Variants in GRAMD4 observed in about 807,000 individuals in gnomAD.
GRAMD4 encodes the protein GRAM domain-containing protein 4.
In GRAMD4, 25 loss-of-function variants were observed where a neutral mutation model predicts 83.9. The ratio of observed to expected loss-of-function variants is 0.30; its 90% CI spans 0.22 to 0.42. GRAMD4 has a LOEUF of 0.42. Ranked by LOEUF, GRAMD4 falls within the 10% of genes least tolerant of loss-of-function variation. The pLI is 1.00. For missense variants in GRAMD4, 593 were observed against 788.7 expected, an observed-to-expected ratio of 0.75 and a Z score of 2.97; for synonymous variants, 336 against 320.9, an observed-to-expected ratio of 1.05 and a Z score of -0.50.
intron 5 of GRAMD4, among the ~76,000 whole-genome samples, chr22:46,662,107 C>G (rs960361813): frequency 2.0e-5 from 3 of 152,262 alleles, no homozygotes; most frequent in Non-Finnish European, 4.4e-5. Flanking sequence ...GGTTCACTTA[C>G]GGCTGGGACG....
intron 3 of GRAMD4, among the ~76,000 whole-genome samples, chr22:46,645,200 G>A (rs375241085): frequency 1.3e-5 from 2 of 151,998 alleles, no homozygotes; most frequent in Non-Finnish European, 2.9e-5. Flanking sequence ...GTGGGAGCTT[G>A]GTGAATGGAG....
chr22:46,640,547 G>C (rs913274295), intron 3 of GRAMD4, among the ~76,000 whole-genome samples: 1 of 152,186 alleles, frequency 6.6e-6, no homozygotes, highest in Non-Finnish European at 1.5e-5. Context: ...TTGTGACTCT[G>C]TCCTCAGCAT....
At chr22:46,669,941 A>G (rs371753633) in intron 13 of GRAMD4, among the ~76,000 whole-genome samples, 12 of 152,006 alleles carry the variant, frequency 7.9e-5, no homozygotes, top group African/African-American at 2.7e-4. Context: ...CTCAATAACA[A>G]CGATCCAGTG....
rs559772988 is a variant in GRAMD4, at chr22:46,659,928, C to A, written c.405-1453C>A. Among the ~76,000 whole-genome samples the A allele has an allele frequency of 2.6e-5, 4 of 152,230 alleles. No homozygotes were observed. The highest frequency in any genetic ancestry group is 5.9e-5 in the Non-Finnish European group (4 of 68,040). On this transcript the variant is annotated intron_variant, in intron 4 of 18. Transcript: ENST00000406902. The surrounding 1 kb of genome is among the most constrained non-coding windows in gnomAD (Gnocchi z 4.1). ...AGAGTTGCAACAGAGACCTGACCTG[C>A]CACGCTGGGAGATCCCAGGGACAGG...
intron 1 of GRAMD4, among the ~76,000 whole-genome samples, chr22:46,613,841 C>T (rs1459698865): frequency 6.8e-5 from 3 of 44,172 alleles, no homozygotes; most frequent in African/African-American, 1.4e-4. Flanking sequence ...CCCCTTGGGG[C>T]CTCTCAGGAA....
intron 3 of GRAMD4, among the ~76,000 whole-genome samples, chr22:46,649,717 ATC>A (rs1209916474): frequency 2.6e-5 from 4 of 152,260 alleles, no homozygotes; most frequent in Non-Finnish European, 5.9e-5. Flanking sequence ...AGTAAACATT[ATC>A]TCTGCACATA....
At chr22:46,616,038 G>T (rs199789003), upstream of GRAMD4, among the ~76,000 whole-genome samples, 6 of 3,310 alleles carry the variant, frequency 1.8e-3, no homozygotes, top group South Asian at 0.014. Context: ...TCCCCCATGT[G>T]TAGGTTCCCC....
chr22:46,584,832 T>A (rs2081132818), intron 1 of GRAMD4, among the ~76,000 whole-genome samples: 2 of 152,086 alleles, frequency 1.3e-5, no homozygotes, highest in African/African-American at 2.4e-5. Flanking sequence ...CTTTGAGACG[T>A]GAAAGTGGGG....
At chr22:46,671,900 A>G (rs2082512332) in intron 13 of GRAMD4, among the ~76,000 whole-genome samples, 1 of 152,242 alleles carries the variant, frequency 6.6e-6, no homozygotes, top group African/African-American at 2.4e-5. Context: ...AATTTCTGTG[A>G]AAATGTCCTA....
At chr22:46,586,245 C>G (rs184155854) in intron 1 of GRAMD4, among the ~76,000 whole-genome samples, 79 of 152,316 alleles carry the variant, frequency 5.2e-4, no homozygotes, top group Admixed American at 2.0e-3. Context: ...TCCTGCTGAC[C>G]GTGTCTCCTT....
Position 46,677,773 on chromosome 22 carries a change from C to T in GRAMD4, c.*522C>T. Reference sequence around the variant, plus strand: ...CCACCGAGAAACGGGCCTGGCGGCCCTCCTTCCTCTTACATGAGACCCTCC... The same window carrying T: ...CCACCGAGAAACGGGCCTGGCGGCCTTCCTTCCTCTTACATGAGACCCTCC... On this transcript the variant is annotated 3_prime_UTR_variant, in exon 19 of 19. Coordinates refer to ENST00000406902, the MANE Select transcript of GRAMD4 (RefSeq NM_015124.5). 1.6e-5 allele frequency: 16 copies of T among 986,134 alleles called. No homozygotes were observed. The highest frequency in any genetic ancestry group is 1.9e-5 in the Non-Finnish European group (16 of 830,372). 61.1% of individuals were successfully genotyped at this position (986,134 alleles called of 1,614,324 possible).
intron 1 of GRAMD4, among the ~76,000 whole-genome samples, chr22:46,582,104 G>A (rs1056096622): frequency 1.3e-5 from 2 of 152,204 alleles, no homozygotes; most frequent in South Asian, 2.1e-4. Flanking sequence ...GCCATGGGTG[G>A]TCGAGGAGTG....
chr22:46,629,707 G>A (rs964133851), intron 2 of GRAMD4, among the ~76,000 whole-genome samples: 1 of 152,178 alleles, frequency 6.6e-6, no homozygotes, highest in Non-Finnish European at 1.5e-5. Context: ...GCGACTCAGG[G>A]GTTTCTATTA....
chr22:46,595,588 G>C (rs2081254206), intron 1 of GRAMD4, among the ~76,000 whole-genome samples: 1 of 152,216 alleles, frequency 6.6e-6, no homozygotes, highest in African/African-American at 2.4e-5. Context: ...GGTGAGGTTG[G>C]CTTTGGGCAC....
rs746891661 is a variant in GRAMD4 at position 46,626,853 on chromosome 22, C to T, written c.54C>T (p.Phe18=). The T allele has an allele frequency of 4.3e-6, 7 of 1,613,934 alleles. No homozygotes were observed. In the Admixed American group the frequency reaches 1.0e-4, roughly 23 times the overall value. ...IRFRGHKRDD[F]LDLAESPNAS... ...TCAGAGGTCACAAGAGAGATGACTT[C>T]CTCGATCTAGCGGAGTCTCCAAATG... The change falls in exon 2 of 19, where the codon TTC becomes TTT. Residue 18 remains phenylalanine (F), a synonymous_variant. Transcript: ENST00000406902.
intron 1 of GRAMD4, among the ~76,000 whole-genome samples, chr22:46,605,257 C>A (rs534195778): frequency 8.1e-4 from 124 of 152,374 alleles, no homozygotes; most frequent in Non-Finnish European, 1.4e-3. Flanking sequence ...TCCGGGTTCA[C>A]CCAGGTTCTG....
At chr22:46,602,762 CTTTTTTTT>C (rs534249203) in intron 1 of GRAMD4, among the ~76,000 whole-genome samples, 1 of 121,436 alleles carries the variant, frequency 8.2e-6, no homozygotes, top group Non-Finnish European at 1.6e-5. Context: ...CCATTTTTCT[CTTTTTTTT>C]TTTTTTTTGA....
At chr22:46,623,080 C>T (rs2147147475) in intron 1 of GRAMD4, among the ~76,000 whole-genome samples, 1 of 152,286 alleles carries the variant, frequency 6.6e-6, no homozygotes, top group East Asian at 1.9e-4. Context: ...CGTCTGGCCC[C>T]ATAGCGCCCG....
chr22:46,591,079 A>AAGAAAAAAAAC (rs879428379), intron 1 of GRAMD4, among the ~76,000 whole-genome samples: 4 of 152,008 alleles, frequency 2.6e-5, no homozygotes, highest in African/African-American at 9.7e-5. Context: ...AGAAAAAAAA[A>AAGAAAAAAAAC]CAAACAAACC....
Sources: gnomAD v4.1 joint callset for allele counts (sites outside exome capture counted in the v4.1 genomes callset) on GRCh38, gnomAD v4.1.1 for gene constraint, Gnocchi (gnomAD v3.1) non-coding constraint, MANE v1.5 for transcripts, NCBI Gene and HGNC (gene_info 2026-07-23, HGNC 2026-07-21) for gene names.